PLD1: variants seen among roughly 807,000 people sequenced by gnomAD.
PLD1 encodes the protein choline phosphatase 1.
Under a neutral mutation model 137.1 loss-of-function variants are expected in PLD1, and 112 were observed. The ratio of observed to expected loss-of-function variants is 0.82; its 90% CI spans 0.70 to 0.96. The LOEUF (loss-of-function observed/expected upper bound fraction) is 0.96, where lower values mean the gene tolerates loss of function less well. Ranked by LOEUF, PLD1 falls within the 40% of genes least tolerant of loss-of-function variation. The pLI is 0.00. For missense variants in PLD1, 1,321 were observed against 1,342.0 expected (o/e 0.98, Z 0.24); for synonymous variants, 431 against 454.7 (o/e 0.95, Z 0.66).
intron 13 of PLD1, among the ~76,000 whole-genome samples, chr3:171,691,709 G>A (rs1715173262): frequency 6.6e-6 from 1 of 151,978 alleles, no homozygotes; most frequent in Admixed American, 6.6e-5. Flanking sequence ...ATCATTCTTT[G>A]GGAGAAAACA....
chr3:171,674,376 T>C (rs927747719), intron 19 of PLD1, 124 bp downstream of exon 19: 10 of 489,510 alleles, frequency 2.0e-5, no homozygotes, highest in Admixed American at 3.7e-5. Context: ...AAAAGATCCA[T>C]TTAGTTTTGC....
At chr3:171,725,687 A>T (rs987154634) in intron 7 of PLD1, among the ~76,000 whole-genome samples, 1 of 152,246 alleles carries the variant, frequency 6.6e-6, no homozygotes, top group African/African-American at 2.4e-5. Flanking sequence ...TAACTTTATA[A>T]GGGATTGTAA....
intron 1 of PLD1, among the ~76,000 whole-genome samples, chr3:171,808,258 C>A (rs1723938013): frequency 6.6e-6 from 1 of 151,834 alleles, no homozygotes; most frequent in South Asian, 2.1e-4. Flanking sequence ...AAAATAGGGT[C>A]GGGTGCAGTG....
chr3:171,699,717 T>C (rs1243214998), intron 12 of PLD1, 28 bp downstream of exon 12: 11 of 1,509,284 alleles, frequency 7.3e-6, no homozygotes, highest in African/African-American at 4.1e-5. Context: ...TAAAAAATTA[T>C]ATCAGCATTT....
intron 1 of PLD1, among the ~76,000 whole-genome samples, chr3:171,748,036 T>C (rs1720375103): frequency 6.6e-6 from 1 of 152,226 alleles, no homozygotes; most frequent in South Asian, 2.1e-4. Context: ...CATTACTAAA[T>C]GTTAGAAAAA....
At chr3:171,769,252 G>C (rs1301895382) in intron 1 of PLD1, among the ~76,000 whole-genome samples, 1 of 152,064 alleles carries the variant, frequency 6.6e-6, no homozygotes, top group Non-Finnish European at 1.5e-5. Flanking sequence ...TGAAGCACTT[G>C]GGAACACAGA....
At chr3:171,786,604 G>A (rs941874098) in intron 1 of PLD1, among the ~76,000 whole-genome samples, 1 of 152,118 alleles carries the variant, frequency 6.6e-6, no homozygotes, top group African/African-American at 2.4e-5. Context: ...TACTGTTTGA[G>A]GACTCAAACA....
At chr3:171,759,871 C>A (rs1721276375) in intron 1 of PLD1, among the ~76,000 whole-genome samples, 1 of 152,202 alleles carries the variant, frequency 6.6e-6, no homozygotes, top group Non-Finnish European at 1.5e-5. Context: ...AAAAACCCAA[C>A]ACTGATGTTC....
At chr3:171,683,784 C>T (rs1714254326) in intron 16 of PLD1, among the ~76,000 whole-genome samples, 1 of 152,190 alleles carries the variant, frequency 6.6e-6, no homozygotes, top group South Asian at 2.1e-4. Flanking sequence ...GTTTTATTCA[C>T]CACATCTCTA....
chr3:171,749,706 G>A (rs951636703), intron 1 of PLD1, among the ~76,000 whole-genome samples: 1 of 152,158 alleles, frequency 6.6e-6, no homozygotes, highest in Non-Finnish European at 1.5e-5. Flanking sequence ...TAGATTTCCA[G>A]CTTGAAGAAA....
chr3:171,671,902 G>A lies in PLD1; in HGVS notation c.2229+2598C>T, dbSNP rs73176166. On this transcript the variant is annotated intron_variant, in intron 19 of 26. Transcript: ENST00000351298. The stretch of plus-strand genomic sequence containing the variant: ...CCTGCATCATGCTTCTTGCCCAATC[G>A]AAAAAAAAAAACATCCAAAGTTCAC... Among the ~76,000 whole-genome samples the A allele has an allele frequency of 9.0e-3, 1,285 of 142,740 alleles. 6 individuals are homozygous for A. The highest frequency in any genetic ancestry group is 0.022 in the Middle Eastern group (6 of 278). The allele number at this position is 142,740 out of a possible 152,430, so 93.6% of individuals were successfully genotyped here. A position where few individuals can be genotyped will look rare whatever the true frequency, so the allele number is the denominator to read the frequency against.
intron 11 of PLD1, among the ~76,000 whole-genome samples, chr3:171,705,604 T>C (rs1041589169): frequency 6.6e-6 from 1 of 152,242 alleles, no homozygotes; most frequent in African/African-American, 2.4e-5. Flanking sequence ...AAATAGCACA[T>C]GAAAATTTGC....
intron 1 of PLD1, among the ~76,000 whole-genome samples, chr3:171,746,189 G>A (rs1720161004): frequency 1.3e-5 from 2 of 152,282 alleles, no homozygotes; most frequent in South Asian, 4.1e-4. Flanking sequence ...CCGCACAGCC[G>A]GAGCCTCCAC....
intron 21 of PLD1, among the ~76,000 whole-genome samples, chr3:171,646,675 CAAAAAAA>C (rs77696811): frequency 1.6e-4 from 14 of 89,518 alleles, no homozygotes; most frequent in Non-Finnish European, 5.0e-5. Flanking sequence ...AAAGAACAGA[CAAAAAAA>C]AAAAAAAAGA....
intron 1 of PLD1, among the ~76,000 whole-genome samples, chr3:171,779,864 A>G (rs551725541): frequency 2.0e-5 from 3 of 151,950 alleles, no homozygotes; most frequent in South Asian, 2.1e-4. Context: ...GTTTGGATAC[A>G]TAAGTCTAAC....
intron 21 of PLD1, among the ~76,000 whole-genome samples, chr3:171,655,792 TA>T (rs1398652721): frequency 2.0e-5 from 3 of 152,174 alleles, no homozygotes; most frequent in Non-Finnish European, 4.4e-5. Flanking sequence ...GAGGGGAACA[TA>T]AAATATGTTT....
At chr3:171,739,564 A>T (rs948413905) in intron 1 of PLD1, among the ~76,000 whole-genome samples, 1 of 152,184 alleles carries the variant, frequency 6.6e-6, no homozygotes, top group Non-Finnish European at 1.5e-5. Flanking sequence ...CTTCTAATTT[A>T]TATCATAATA....
chr3:171,639,121 C>G (rs897904000), intron 23 of PLD1, among the ~76,000 whole-genome samples: 2 of 147,898 alleles, frequency 1.4e-5, no homozygotes, highest in African/African-American at 5.0e-5. Flanking sequence ...TGAGTCAATT[C>G]CTCATAATAA....
chr3:171,645,610 C>T (rs570316132), intron 21 of PLD1, among the ~76,000 whole-genome samples: 22 of 151,804 alleles, frequency 1.4e-4, no homozygotes, highest in South Asian at 4.2e-4. Context: ...GCCGGCCGGG[C>T]GTGGTGGCTC....
Sources: allele counts gnomAD v4.1 joint callset (sites outside exome capture counted in the v4.1 genomes callset), GRCh38; gene constraint gnomAD v4.1.1; transcripts MANE v1.5; gene names NCBI Gene and HGNC (gene_info 2026-07-23, HGNC 2026-07-21).